MICAL2: variants seen among roughly 807,000 people sequenced by gnomAD.
The protein encoded by MICAL2 is microtubule associated monooxygenase, calponin and LIM domain containing 2, also known as [F-actin]-monooxygenase MICAL2.
MICAL2 carries 77 observed loss-of-function variants against 127.3 expected under a neutral mutation model. The observed-to-expected ratio is 0.60, with a 90% CI of 0.50 to 0.73. MICAL2 has a LOEUF of 0.73. MICAL2 is among the 30% of genes least tolerant of loss of function. The probability of loss-of-function intolerance (pLI) is 0.00; values close to 1 mark genes in which losing one functional copy is unlikely to be tolerated. For synonymous variants in MICAL2, 570 were observed against 551.1 expected (o/e 1.03, Z -0.48); for missense variants, 1,351 against 1,434.4 (o/e 0.94, Z 0.94).
intron 2 of MICAL2, among the ~76,000 whole-genome samples, chr11:12,148,804 T>G (rs537023524): frequency 7.1e-6 from 1 of 140,900 alleles, no homozygotes; most frequent in South Asian, 2.6e-4. Context: ...CAGAGTACAG[T>G]GTAGAAAAGG....
Position 12,205,673 on chromosome 11 carries a change from GTTTTATCT to G in MICAL2, c.472+1217_472+1224del, listed in dbSNP as rs1479560427. 5.3e-5 allele frequency among the ~76,000 whole-genome samples: 8 copies of G among 152,316 alleles called. No homozygotes were observed. The East Asian group carries it at 1.3e-3, about 26-fold the overall frequency. On this transcript the variant is annotated intron_variant, in intron 4 of 27. Coordinates refer to ENST00000683283, the MANE Select transcript of MICAL2 (RefSeq NM_001282663.2). ...AATCCCTTACCCTCTTCAAGCCTCA[GTTTTATCT>G]CCTGTAAAGTGTGATTAATTTCTGT...
chr11:12,211,809 A>C (rs1432016029), intron 6 of MICAL2, among the ~76,000 whole-genome samples: 1 of 152,216 alleles, frequency 6.6e-6, no homozygotes, highest in Non-Finnish European at 1.5e-5. Flanking sequence ...TGGGTTGGAC[A>C]GGAGACCCGG....
chr11:12,345,227 G>A (rs1938935894), intron 32 of MICAL2, among the ~76,000 whole-genome samples: 1 of 152,186 alleles, frequency 6.6e-6, no homozygotes, highest in Non-Finnish European at 1.5e-5. Flanking sequence ...AAAAACAAAT[G>A]TCATTTCTTT....
At position 12,278,101 on chromosome 11, in the gene MICAL2, G is replaced by A. The variant is rs552222366; in HGVS notation, c.87+1935G>A. ...GGGTGAGTGAGTGGGTGAGTGGTGTGTGAGTGTGAAGGCCTAGGACATCGC... is the reference window on the plus strand; with the variant it reads ...GGGTGAGTGAGTGGGTGAGTGGTGTATGAGTGTGAAGGCCTAGGACATCGC... On this transcript the variant is annotated intron_variant, in intron 1 of 2. Transcript: ENST00000529028. Among the ~76,000 whole-genome samples, 27 of 152,334 alleles carry A rather than the reference G, an allele frequency of 1.8e-4. No individual in the cohort carries two copies. The South Asian group carries it at 3.5e-3, about 20-fold the overall frequency.
At chr11:12,147,017 A>C (rs1438312831) in intron 2 of MICAL2, among the ~76,000 whole-genome samples, 1 of 151,894 alleles carries the variant, frequency 6.6e-6, no homozygotes, top group Non-Finnish European at 1.5e-5. Context: ...CAATGAGAAC[A>C]CTTGGACACA....
At chr11:12,143,571 G>A (rs532791056) in intron 2 of MICAL2, among the ~76,000 whole-genome samples, 79 of 152,306 alleles carry the variant, frequency 5.2e-4, no homozygotes, top group African/African-American at 1.8e-3. Flanking sequence ...CACACCAATG[G>A]AAGTGATTAT....
downstream of MICAL2, among the ~76,000 whole-genome samples, chr11:12,287,904 C>T (rs770710252): frequency 4.6e-5 from 7 of 152,120 alleles, no homozygotes; most frequent in African/African-American, 1.7e-4. Context: ...CACCTCCCCC[C>T]ACACCCACTC....
At position 12,150,765 on chromosome 11, in the gene MICAL2, C is replaced by T. The variant is rs369206251; in HGVS notation, c.-77-11314C>T. On this transcript the variant is annotated intron_variant, in intron 2 of 27. Transcript: ENST00000683283. ...CTGGAGAGTGCCTTTAAGAGGGTGC[C>T]GGGCAGAGACTTGGTGGAAAATCTG... 3.3e-5 allele frequency among the ~76,000 whole-genome samples: 5 copies of T among 152,244 alleles called. No homozygotes were observed. The South Asian group carries it at 1.0e-3, about 32-fold the overall frequency.
At chr11:12,271,437 C>G (rs565010827), upstream of MICAL2, among the ~76,000 whole-genome samples, 10 of 152,332 alleles carry the variant, frequency 6.6e-5, no homozygotes, top group African/African-American at 2.4e-4. Flanking sequence ...GCCACATGTG[C>G]AGCTGCTCTG....
chr11:12,242,575 C>T, intron 19 of MICAL2, 96 bp from the exon 20 acceptor site: 1 of 1,428,014 alleles, frequency 7.0e-7, no homozygotes, highest in Non-Finnish European at 9.8e-7. Context: ...GCAGGCAAGG[C>T]CCCCGGCTGC....
chr11:12,337,465 C>T (rs1273102730), intron 32 of MICAL2, among the ~76,000 whole-genome samples: 1 of 152,128 alleles, frequency 6.6e-6, no homozygotes, highest in Non-Finnish European at 1.5e-5. Flanking sequence ...CAGTTCTGCT[C>T]TGGTCTTAGT....
intron 3 of MICAL2, chr11:12,197,470 C>G (rs1860086138): frequency 6.6e-6 from 1 of 152,218 alleles, no homozygotes; most frequent in Non-Finnish European, 1.5e-5. Flanking sequence ...TATTATTATT[C>G]TTGGTCTTCC....
intron 29 of MICAL2, among the ~76,000 whole-genome samples, chr11:12,297,561 T>C (rs910512801): frequency 3.3e-5 from 5 of 152,118 alleles, no homozygotes; most frequent in African/African-American, 1.2e-4. Context: ...TTGCATGTCT[T>C]CTGGGTTTTA....
At chr11:12,323,394 CTAAGCACTATTTAA>C (rs1300082235) in intron 30 of MICAL2, among the ~76,000 whole-genome samples, 1 of 152,216 alleles carries the variant, frequency 6.6e-6, no homozygotes, top group East Asian at 1.9e-4. Flanking sequence ...TAGACTCAAC[CTAAGCACTATTTAA>C]AGTTGTTAAC....
Position 12,209,915 on chromosome 11 carries a change from G to C in MICAL2, c.691+317G>C, listed in dbSNP as rs973466139. The stretch of plus-strand genomic sequence containing the variant: ...TGTGAAAATGCTTTATAAAGATAAA[G>C]TGTCATGGGGGAAAAATGAACATCC... On this transcript the variant is annotated intron_variant, in intron 6 of 27. Coordinates refer to ENST00000683283, the MANE Select transcript of MICAL2 (RefSeq NM_001282663.2). Among the ~76,000 whole-genome samples the C allele has an allele frequency of 3.3e-5, 5 of 152,288 alleles. 1 individual carries two copies. The Middle Eastern group carries it at 0.017, about 518-fold the overall frequency.
intron 3 of MICAL2, among the ~76,000 whole-genome samples, chr11:12,183,439 A>C (rs1049766243): frequency 1.3e-5 from 2 of 152,174 alleles, no homozygotes; most frequent in East Asian, 3.9e-4. Context: ...TGGCCCAGAC[A>C]CAGAGCCTCT....
chr11:12,317,478 G>T (rs1864244215), intron 29 of MICAL2, among the ~76,000 whole-genome samples: 1 of 152,198 alleles, frequency 6.6e-6, no homozygotes, highest in Non-Finnish European at 1.5e-5. Flanking sequence ...ATGCTGCAAA[G>T]TCTTTAAGAT....
intron 1 of MICAL2, among the ~76,000 whole-genome samples, chr11:12,123,788 C>T (rs1173793651): frequency 6.6e-6 from 1 of 152,062 alleles, no homozygotes. Context: ...TAACAACCCA[C>T]AGTGTGGGTT....
chr11:12,239,165 G>A (rs11604904), intron 16 of MICAL2, among the ~76,000 whole-genome samples: 25,574 of 152,104 alleles, frequency 0.17, 2,506 homozygotes, highest in Non-Finnish European at 0.21. Context: ...AAAGTAAATC[G>A]CCAACATCAC....
Sources: allele counts gnomAD v4.1 joint callset (sites outside exome capture counted in the v4.1 genomes callset), GRCh38; gene constraint gnomAD v4.1.1; transcripts MANE v1.5; gene names NCBI Gene and HGNC (gene_info 2026-07-23, HGNC 2026-07-21).